GRIK2: variants seen among roughly 807,000 people sequenced by gnomAD.
The protein encoded by GRIK2 is glutamate ionotropic receptor kainate type subunit 2, also known as glutamate receptor ionotropic, kainate 2.
Under a neutral mutation model 100.3 loss-of-function variants are expected in GRIK2, and 32 were observed. The observed-to-expected ratio is 0.32, with a 90% CI of 0.24 to 0.43. GRIK2 has a LOEUF of 0.43. GRIK2 is among the 20% of genes least tolerant of loss of function. The pLI is 1.00. For synonymous variants in GRIK2, 417 were observed against 389.4 expected, an observed-to-expected ratio of 1.07 and a Z score of -0.83; for missense variants, 843 against 1,114.9, an observed-to-expected ratio of 0.76 and a Z score of 3.47.
chr6:101,776,401 A>G (rs558335945), intron 7 of GRIK2, among the ~76,000 whole-genome samples: 1 of 152,312 alleles, frequency 6.6e-6, no homozygotes, highest in East Asian at 1.9e-4. Context: ...AGAGTAAATA[A>G]TTATGCAGAG....
chr6:101,680,140 T>A (rs1414063763), intron 5 of GRIK2, among the ~76,000 whole-genome samples: 1 of 152,160 alleles, frequency 6.6e-6, no homozygotes, highest in Admixed American at 6.6e-5. Flanking sequence ...CAGACTCCAA[T>A]TACCCTCATA....
At chr6:101,720,752 A>T (rs953798036) in intron 7 of GRIK2, among the ~76,000 whole-genome samples, 2 of 152,062 alleles carry the variant, frequency 1.3e-5, no homozygotes, top group Non-Finnish European at 2.9e-5. Context: ...GTTTTAGTTA[A>T]ACTCACTTAT....
intron 4 of GRIK2, among the ~76,000 whole-genome samples, chr6:101,657,828 A>G (rs1385048531): frequency 6.6e-6 from 1 of 152,136 alleles, no homozygotes; most frequent in Non-Finnish European, 1.5e-5. Flanking sequence ...TTCCAGGGAA[A>G]TAAATAATAG....
intron 7 of GRIK2, among the ~76,000 whole-genome samples, chr6:101,720,043 A>G (rs1159143445): frequency 2.0e-5 from 3 of 151,814 alleles, no homozygotes; most frequent in African/African-American, 4.8e-5. Flanking sequence ...AAAAAAAGAT[A>G]CTTATTTTTG....
At chr6:101,751,583 A>G (rs566345205) in intron 7 of GRIK2, among the ~76,000 whole-genome samples, 3 of 152,220 alleles carry the variant, frequency 2.0e-5, no homozygotes, top group Admixed American at 1.3e-4. Context: ...CTAATTTCCA[A>G]TTGCCTTACA....
intron 15 of GRIK2, among the ~76,000 whole-genome samples, chr6:102,045,359 CT>C (rs1770827905): frequency 6.6e-6 from 1 of 152,070 alleles, no homozygotes; most frequent in Admixed American, 6.6e-5. Context: ...CTTTTGCTAC[CT>C]TTTTCTTACT....
chr6:101,401,202 C>T (rs935582787), intron 2 of GRIK2, among the ~76,000 whole-genome samples: 2 of 152,118 alleles, frequency 1.3e-5, no homozygotes, highest in African/African-American at 4.8e-5. Context: ...AGACTTGGAG[C>T]CGGAAAACTG....
intron 7 of GRIK2, among the ~76,000 whole-genome samples, chr6:101,725,842 A>T (rs1774826764): frequency 6.6e-6 from 1 of 151,982 alleles, no homozygotes; most frequent in African/African-American, 2.4e-5. Flanking sequence ...TGTTCACCTG[A>T]ATGTTTGACC....
At chr6:101,812,638 G>A (rs79640296) in intron 9 of GRIK2, among the ~76,000 whole-genome samples, 6,968 of 151,946 alleles carry the variant, frequency 0.046, 188 homozygotes, top group Non-Finnish European at 0.058. Context: ...GTCTCCATCC[G>A]TAGGGAATTA....
intron 7 of GRIK2, among the ~76,000 whole-genome samples, chr6:101,791,280 G>T (rs1469101774): frequency 6.6e-6 from 1 of 152,012 alleles, no homozygotes; most frequent in Non-Finnish European, 1.5e-5. Flanking sequence ...TGCTTTTCTG[G>T]TTCTTTTAAT....
chr6:101,845,931 G>T (rs563304442), intron 10 of GRIK2, among the ~76,000 whole-genome samples: 1 of 152,026 alleles, frequency 6.6e-6, no homozygotes, highest in East Asian at 1.9e-4. Context: ...GCATGTTTCT[G>T]TGTGCTTGTT....
At chr6:101,878,070 G>GTATATTATATTATATTATAT (rs67537651) in intron 11 of GRIK2, among the ~76,000 whole-genome samples, 22 of 135,562 alleles carry the variant, frequency 1.6e-4, no homozygotes, top group South Asian at 2.5e-4. Context: ...ATCGTGCCAG[G>GTATATTATATTATATTATAT]TATATTATAT....
Position 101,556,352 on chromosome 6 carries a change from T to C in GRIK2, c.116-65597T>C, listed in dbSNP as rs1447626929. 2.6e-5 allele frequency among the ~76,000 whole-genome samples: 3 copies of C among 117,406 alleles called. No homozygotes were observed. In the Admixed American group the frequency reaches 2.9e-4, roughly 11 times the overall value. The allele number at this position is 117,406 out of a possible 152,430, so 77.0% of individuals were successfully genotyped here. On this transcript the variant is annotated intron_variant, in intron 2 of 16. Transcript: ENST00000369134. ...TTTTTTTTTTTTTTTTTTTTTTTTTTGAGACCGAGTCTCGCTCTGTCGCCC... is the reference window on the plus strand; with the variant it reads ...TTTTTTTTTTTTTTTTTTTTTTTTTCGAGACCGAGTCTCGCTCTGTCGCCC...
chr6:101,421,262 A>C (rs942037672), intron 2 of GRIK2, among the ~76,000 whole-genome samples: 4 of 152,204 alleles, frequency 2.6e-5, no homozygotes, highest in African/African-American at 9.6e-5. Context: ...GTCTCAGGAA[A>C]GGCTTTATTC....
chr6:101,826,111 TA>T (rs111301117), intron 10 of GRIK2, among the ~76,000 whole-genome samples: 13,285 of 152,060 alleles, frequency 0.087, 1,585 homozygotes, highest in African/African-American at 0.27. Flanking sequence ...TCAGTCCCTT[TA>T]AAACCCATAC....
At chr6:101,477,826 T>C (rs1328394419) in intron 2 of GRIK2, among the ~76,000 whole-genome samples, 1 of 152,200 alleles carries the variant, frequency 6.6e-6, no homozygotes, top group Non-Finnish European at 1.5e-5. Context: ...TTCCCCTCTT[T>C]ACTAGTTTAG....
intron 4 of GRIK2, among the ~76,000 whole-genome samples, chr6:101,643,586 G>A (rs74738366): frequency 2.3e-3 from 347 of 151,572 alleles, no homozygotes; most frequent in African/African-American, 7.8e-3. Context: ...TATTCCATTG[G>A]TTTATATGTC....
chr6:102,009,183 G>T (rs1417180231), intron 14 of GRIK2, among the ~76,000 whole-genome samples: 3 of 151,824 alleles, frequency 2.0e-5, no homozygotes, highest in Non-Finnish European at 4.4e-5. Context: ...TAATTGTCAG[G>T]TACAACTAAT....
intron 12 of GRIK2, among the ~76,000 whole-genome samples, chr6:101,899,107 T>G (rs567579082): frequency 8.6e-5 from 13 of 150,854 alleles, no homozygotes; most frequent in South Asian, 2.1e-4. Flanking sequence ...TTTTTGTTTT[T>G]TTTTTTTTTA....
Sources: gnomAD v4.1 joint callset for allele counts (sites outside exome capture counted in the v4.1 genomes callset) on GRCh38, gnomAD v4.1.1 for gene constraint, MANE v1.5 for transcripts, NCBI Gene and HGNC (gene_info 2026-07-23, HGNC 2026-07-21) for gene names.